SDCBP: variants seen among roughly 807,000 people sequenced by gnomAD.
SDCBP encodes syntenin-1.
SDCBP carries 22 observed loss-of-function variants against 30.5 expected under a neutral mutation model. The ratio of observed to expected loss-of-function variants is 0.72; its 90% CI spans 0.52 to 1.03. SDCBP has a LOEUF of 1.03. Ranked by LOEUF, SDCBP falls within the 50% of genes least tolerant of loss-of-function variation. The pLI is 0.00. For synonymous variants in SDCBP, 103 were observed against 118.7 expected (o/e 0.87, Z 0.86); for missense variants, 304 against 369.9 (o/e 0.82, Z 1.46).
intron 2 of SDCBP, chr8:58,570,676 A>G (rs943702987): frequency 9.0e-6 from 4 of 446,768 alleles, no homozygotes; most frequent in Admixed American, 3.6e-5. Flanking sequence ...TTTTTGTGAT[A>G]GCCTTAAAAG....
At chr8:58,562,038 TACAC>T (rs1172626980) in intron 1 of SDCBP, among the ~76,000 whole-genome samples, 2 of 142,598 alleles carry the variant, frequency 1.4e-5, no homozygotes, top group South Asian at 2.2e-4. Flanking sequence ...CTATAGAAAA[TACAC>T]ACACACAAAT....
Position 58,570,980 on chromosome 8 carries a change from T to C in SDCBP, c.130+15T>C, listed in dbSNP as rs1448555169. On this transcript the variant is annotated intron_variant, in intron 3 of 8. Coordinates refer to ENST00000260130, the MANE Select transcript of SDCBP (RefSeq NM_005625.4). ...TCACGATGGAAGTAGGTTTATACTT[T>C]GAGTTCATTCTCTGTGAACAGAAAT... 1 of 1,566,210 alleles carries C rather than the reference T, an allele frequency of 6.4e-7. No homozygotes were observed. The highest frequency in any genetic ancestry group is 8.8e-7 in the Non-Finnish European group (1 of 1,137,756).
chr8:58,567,725 A>G (rs1004865982), intron 2 of SDCBP, among the ~76,000 whole-genome samples: 1 of 152,172 alleles, frequency 6.6e-6, no homozygotes, highest in Non-Finnish European at 1.5e-5. Flanking sequence ...CTACACATCT[A>G]GGCAGTATGG....
chr8:58,572,079 C>G, intron 3 of SDCBP, 126 bp from the exon 4 acceptor site: 2 of 601,650 alleles, frequency 3.3e-6, no homozygotes, highest in Non-Finnish European at 5.9e-6. Flanking sequence ...CAAATTGCTA[C>G]TTTAAATTCA....
chr8:58,569,655 T>C (rs1033801703), intron 2 of SDCBP, among the ~76,000 whole-genome samples: 8 of 152,126 alleles, frequency 5.3e-5, no homozygotes, highest in Non-Finnish European at 7.4e-5. Flanking sequence ...CTTTTTTTTT[T>C]CCCAGTGCCG....
chr8:58,558,458 T>A (rs1804270330), intron 1 of SDCBP, among the ~76,000 whole-genome samples: 1 of 152,082 alleles, frequency 6.6e-6, no homozygotes, highest in Non-Finnish European at 1.5e-5. Flanking sequence ...GTTTTTTATA[T>A]TTTTTGTAGA....
intron 2 of SDCBP, chr8:58,570,675 T>C (rs1432790489): frequency 2.2e-6 from 1 of 446,678 alleles, no homozygotes; most frequent in Non-Finnish European, 4.0e-6. Context: ...TTTTTTGTGA[T>C]AGCCTTAAAA....
rs114228734 is a variant in SDCBP, at chr8:58,566,567, G to A, written c.51+1483G>A. ...TATGTTCAGAGCAGAAAGCAGCTGG[G>A]AGATAGAACAGTGAATAAGGAGTGG... is the stretch of plus-strand genomic sequence containing the variant. On this transcript the variant is annotated intron_variant, in intron 2 of 8. Coordinates refer to ENST00000260130, the MANE Select transcript of SDCBP (RefSeq NM_005625.4). 4.2e-3 allele frequency among the ~76,000 whole-genome samples: 642 copies of A among 152,306 alleles called. 8 individuals carry two copies. The highest frequency in any genetic ancestry group is 0.015 in the African/African-American group (622 of 41,564).
At chr8:58,566,272 A>G (rs1804704981) in intron 2 of SDCBP, among the ~76,000 whole-genome samples, 1 of 152,212 alleles carries the variant, frequency 6.6e-6, no homozygotes, top group Admixed American at 6.5e-5. Context: ...TGACATCAAT[A>G]CATTAACTGA....
chr8:58,579,867 G>A (rs1805585013), intron 7 of SDCBP, 73 bp downstream of exon 7: 2 of 1,405,296 alleles, frequency 1.4e-6, no homozygotes, highest in Non-Finnish European at 1.9e-6. Context: ...TATTTAGGTG[G>A]CGCTGTTTTC....
At chr8:58,558,634 T>C (rs975778012) in intron 1 of SDCBP, among the ~76,000 whole-genome samples, 1 of 152,134 alleles carries the variant, frequency 6.6e-6, no homozygotes, top group African/African-American at 2.4e-5. Context: ...TAAACTAAAT[T>C]GAGTCCTGCC....
chr8:58,560,907 A>C (rs1040054247), intron 1 of SDCBP: 1 of 152,204 alleles, frequency 6.6e-6, no homozygotes, highest in African/African-American at 2.4e-5. Flanking sequence ...CCAGGAACCT[A>C]CTTTAAGGAA....
chr8:58,567,498 C>T (rs1300559276), intron 2 of SDCBP, among the ~76,000 whole-genome samples: 1 of 152,202 alleles, frequency 6.6e-6, no homozygotes, highest in African/African-American at 2.4e-5. Flanking sequence ...GTACATCTGG[C>T]TCATTAATAT....
intron 3 of SDCBP, among the ~76,000 whole-genome samples, chr8:58,571,921 A>G (rs1236036105): frequency 6.6e-6 from 1 of 152,204 alleles, no homozygotes; most frequent in Non-Finnish European, 1.5e-5. Context: ...AGGAAAGGCA[A>G]GATAGTTTAT....
intron 2 of SDCBP, 119 bp downstream of exon 2, chr8:58,565,203 AC>A (rs1327829147): frequency 1.1e-5 from 5 of 451,112 alleles, no homozygotes; most frequent in Non-Finnish European, 2.0e-5. Flanking sequence ...CACTTCATAA[AC>A]CTTTTTTTAG....
rs142930564 is a variant in SDCBP at position 58,578,714 on chromosome 8, C to G, written c.578+506C>G. 2.9e-3 allele frequency among the ~76,000 whole-genome samples: 444 copies of G among 152,296 alleles called. 1 individual carries two copies. The highest frequency in any genetic ancestry group is 5.2e-3 in the Non-Finnish European group (355 of 68,030). ...CATTTAGCACATGAAATAGGGGCCT[C>G]CATTTATTTTCTTGTCTACTCCATA... is the stretch of plus-strand genomic sequence containing the variant. On this transcript the variant is annotated intron_variant, in intron 6 of 8. Transcript: ENST00000260130.
At chr8:58,559,818 A>C (rs1804341122) in intron 1 of SDCBP, among the ~76,000 whole-genome samples, 1 of 152,216 alleles carries the variant, frequency 6.6e-6, no homozygotes, top group Non-Finnish European at 1.5e-5. Flanking sequence ...CTAGGTGAGC[A>C]GTAAACCAGC....
At chr8:58,580,380 A>C in intron 7 of SDCBP, 137 bp from the exon 8 acceptor site, 1 of 590,904 alleles carries the variant, frequency 1.7e-6, no homozygotes, top group Non-Finnish European at 3.0e-6. Flanking sequence ...GTGTACAATT[A>C]AACTTGGTAA....
rs1805711616 is a variant in SDCBP at position 58,581,902 on chromosome 8, C to A, written c.*162C>A. On this transcript the variant is annotated 3_prime_UTR_variant, in exon 9 of 9. Coordinates refer to ENST00000260130, the MANE Select transcript of SDCBP (RefSeq NM_005625.4). ...GGGAATCTTACTCTTTCATCTGATACCTTGTTCAGATTTCAAAATAGTTGT... is the reference window on the plus strand; with the variant it reads ...GGGAATCTTACTCTTTCATCTGATAACTTGTTCAGATTTCAAAATAGTTGT... The A allele has an allele frequency of 3.3e-6, 2 of 605,782 alleles. No homozygotes were observed. Among genetic ancestry groups the A allele is most frequent in the Non-Finnish European group, 5.9e-6 (2 of 340,260 alleles). The allele number at this position is 605,782 out of a possible 1,614,324, so 37.5% of individuals were successfully genotyped here. A position where few individuals can be genotyped will look rare whatever the true frequency, so the allele number is the denominator to read the frequency against.
Sources: gnomAD v4.1 joint callset for allele counts (sites outside exome capture counted in the v4.1 genomes callset) on GRCh38, gnomAD v4.1.1 for gene constraint, MANE v1.5 for transcripts, NCBI Gene and HGNC (gene_info 2026-07-23, HGNC 2026-07-21) for gene names.